USP24: variants seen among roughly 807,000 people sequenced by gnomAD.
The protein encoded by USP24 is ubiquitin carboxyl-terminal hydrolase 24.
Under a neutral mutation model 361.6 loss-of-function variants are expected in USP24, and 97 were observed. The ratio of observed to expected loss-of-function variants is 0.27; its 90% CI spans 0.23 to 0.32. The LOEUF (loss-of-function observed/expected upper bound fraction) is 0.32. Among genes scored for constraint, USP24 ranks in the 10% least tolerant of loss-of-function variants. USP24 has a pLI of 1.00. For missense variants in USP24, 2,353 were observed against 3,165.6 expected, an observed-to-expected ratio of 0.74 and a Z score of 6.16; for synonymous variants, 1,098 against 1,124.6, an observed-to-expected ratio of 0.98 and a Z score of 0.47.
chr1:55,115,782 G>A (rs2100573521), intron 38 of USP24, among the ~76,000 whole-genome samples: 1 of 152,280 alleles, frequency 6.6e-6, no homozygotes, highest in South Asian at 2.1e-4. Context: ...GCCCATCAAT[G>A]ATAGACTGGA....
At chr1:55,141,758 T>C (rs745730766) in intron 23 of USP24, 27 bp from the exon 24 acceptor site, 3 of 1,565,896 alleles carry the variant, frequency 1.9e-6, no homozygotes, top group Middle Eastern at 1.7e-4. Context: ...AGTCATTCTC[T>C]ATCAGGGTTT....
intron 20 of USP24, 34 bp downstream of exon 20, chr1:55,145,964 G>C (rs754974658): frequency 1.4e-6 from 2 of 1,423,830 alleles, no homozygotes; most frequent in Non-Finnish European, 9.9e-7. Context: ...TTACTTAAAA[G>C]TACTGAAAAA....
intron 6 of USP24, among the ~76,000 whole-genome samples, chr1:55,166,183 T>C (rs1053313833): frequency 6.6e-6 from 1 of 151,816 alleles, no homozygotes; most frequent in African/African-American, 2.4e-5. Context: ...TTTAAAAATA[T>C]ACAATTAAGT....
intron 7 of USP24, among the ~76,000 whole-genome samples, chr1:55,163,200 TA>T (rs1331831021): frequency 3.9e-5 from 6 of 151,930 alleles, no homozygotes; most frequent in Non-Finnish European, 7.4e-5. Flanking sequence ...AGAAAAAATA[TA>T]TTTTTATAAA....
At chr1:55,210,132 T>C (rs924248145) in intron 1 of USP24, among the ~76,000 whole-genome samples, 1 of 152,162 alleles carries the variant, frequency 6.6e-6, no homozygotes, top group Non-Finnish European at 1.5e-5. Context: ...AAAGGTACTC[T>C]CTTCATGCCA....
intron 16 of USP24, among the ~76,000 whole-genome samples, chr1:55,149,177 G>A (rs1202882376): frequency 6.6e-6 from 1 of 152,084 alleles, no homozygotes; most frequent in African/African-American, 2.4e-5. Context: ...TATTATTTCT[G>A]AAACTGGTAT....
At chr1:55,146,318 T>A (rs1274199482) in intron 19 of USP24, among the ~76,000 whole-genome samples, 9 of 152,186 alleles carry the variant, frequency 5.9e-5, no homozygotes, top group African/African-American at 1.9e-4. Context: ...CTACTCATAC[T>A]TTTCACTGGA....
intron 26 of USP24, 69 bp from the exon 27 acceptor site, chr1:55,137,973 A>T: frequency 7.0e-7 from 1 of 1,433,482 alleles, no homozygotes; most frequent in South Asian, 1.2e-5. Flanking sequence ...CTGTGAGTGA[A>T]CATCTACTAG....
intron 1 of USP24, among the ~76,000 whole-genome samples, chr1:55,184,350 C>A (rs1456368506): frequency 6.6e-6 from 1 of 152,188 alleles, no homozygotes; most frequent in Non-Finnish European, 1.5e-5. Flanking sequence ...AGCCACCACA[C>A]CCAGCCAGGA....
At chr1:55,069,330 C>A (rs747762518) in intron 67 of USP24, among the ~76,000 whole-genome samples, 1 of 152,204 alleles carries the variant, frequency 6.6e-6, no homozygotes, top group African/African-American at 2.4e-5. Context: ...AACAACCCAG[C>A]GACTTGTCTA....
chr1:55,159,626 T>C lies in USP24; in HGVS notation c.1053A>G (p.Lys351=). 3 of 1,561,296 alleles carry C rather than the reference T, an allele frequency of 1.9e-6. No homozygotes were observed. Among genetic ancestry groups the C allele is most frequent in the East Asian group, 4.7e-5 (2 of 42,298 alleles). The change falls in exon 9 of 68, where the codon AAA becomes AAG. Residue 351 remains lysine (K), a synonymous_variant. Coordinates refer to ENST00000294383, the MANE Select transcript of USP24 (RefSeq NM_015306.3). The part of the protein sequence containing the change: ...TIQDVRSVEE[K]DLKDKRLVSI... ...AGGCATTTACCTTGTCTTTGAGGTC[T>C]TTCTCTTCTACACTCCGTACATCCT...
intron 40 of USP24, 32 bp from the exon 41 acceptor site, chr1:55,106,295 T>A (rs1645771233): frequency 4.0e-6 from 6 of 1,510,412 alleles, no homozygotes; most frequent in South Asian, 1.1e-5. Flanking sequence ...ATGTTGAAGA[T>A]GAACACATAT....
intron 1 of USP24, among the ~76,000 whole-genome samples, chr1:55,199,544 G>C (rs1032599778): frequency 1.3e-5 from 2 of 151,972 alleles, no homozygotes; most frequent in African/African-American, 2.4e-5. Context: ...TTAGGAGTCA[G>C]ATGTCTTGAC....
intron 38 of USP24, among the ~76,000 whole-genome samples, chr1:55,115,897 C>T (rs926527262): frequency 1.2e-4 from 18 of 152,162 alleles, no homozygotes; most frequent in African/African-American, 4.1e-4. Flanking sequence ...AATCATCATT[C>T]TCAGCAAACT....
chr1:55,129,706 A>C (rs1646537016), intron 31 of USP24, 132 bp from the exon 32 acceptor site: 1 of 606,560 alleles, frequency 1.6e-6, no homozygotes, highest in African/African-American at 1.9e-5. Context: ...CCCCAGAAAT[A>C]TGTAGAAGCT....
At chr1:55,168,606 T>A (rs551292167) in intron 5 of USP24, among the ~76,000 whole-genome samples, 1 of 151,684 alleles carries the variant, frequency 6.6e-6, no homozygotes, top group Non-Finnish European at 1.5e-5. Context: ...AAGAAGGAAA[T>A]GCAACGCAAA....
Position 55,146,028 on chromosome 1 carries a change from T to C in USP24, c.2332A>G (p.Lys778Glu), listed in dbSNP as rs1195889689. ...QQQLFKEKIL[K>E]LESYEITMNG... ...ATAGTGATTTCATATGACTCCAATT[T>C]AAGAATTTTCTCCTTGAAGAGCTGC... The change falls in exon 20 of 68, where the codon AAA (lysine) becomes GAA (glutamate). Residue 778 changes from lysine to glutamate, a missense_variant. Lys to Glu is a moderately conservative substitution (Grantham distance 56, BLOSUM62 1). Around this residue, in one of 8 missense-constraint regions of USP24, gnomAD observed 949 missense variants for 1,280.5 expected, o/e 0.74. Transcript: ENST00000294383. 16 of 1,612,834 alleles carry C rather than the reference T, an allele frequency of 9.9e-6. No homozygotes were observed. The highest frequency in any genetic ancestry group is 1.4e-5 in the Non-Finnish European group (16 of 1,179,392).
intron 62 of USP24, 64 bp downstream of exon 62, chr1:55,077,171 T>C (rs1399235922): frequency 1.5e-6 from 2 of 1,326,972 alleles, no homozygotes; most frequent in Non-Finnish European, 2.0e-6. Flanking sequence ...TAATTTTTTA[T>C]TTATAAACAC....
At chr1:55,135,169 A>C (rs1646699020) in intron 28 of USP24, among the ~76,000 whole-genome samples, 1 of 152,136 alleles carries the variant, frequency 6.6e-6, no homozygotes, top group Non-Finnish European at 1.5e-5. Context: ...AAAAAAATTG[A>C]GATGGGGGTC....
Sources: gnomAD v4.1 joint callset for allele counts (sites outside exome capture counted in the v4.1 genomes callset) on GRCh38, gnomAD v4.1.1 for gene constraint, gnomAD v4.1.1 regional missense constraint, MANE v1.5 for transcripts, NCBI Gene and HGNC (gene_info 2026-07-23, HGNC 2026-07-21) for gene names.